Variants in MYO5A observed in about 807,000 individuals in gnomAD.
MYO5A encodes the protein unconventional myosin-Va.
MYO5A carries 98 observed loss-of-function variants against 249.7 expected under a neutral mutation model. The observed-to-expected ratio is 0.39, with a 90% CI of 0.33 to 0.46. MYO5A has a LOEUF of 0.46. Ranked by LOEUF, MYO5A falls within the 20% of genes least tolerant of loss-of-function variation. The probability of loss-of-function intolerance (pLI) is 0.98; values close to 1 mark genes in which losing one functional copy is unlikely to be tolerated. For missense variants in MYO5A, 1,696 were observed against 2,308.8 expected, an observed-to-expected ratio of 0.73 and a Z score of 5.44; for synonymous variants, 778 against 810.6, an observed-to-expected ratio of 0.96 and a Z score of 0.68.
intron 1 of MYO5A, among the ~76,000 whole-genome samples, chr15:52,507,322 A>G (rs1384761301): frequency 6.6e-6 from 1 of 152,236 alleles, no homozygotes; most frequent in Non-Finnish European, 1.5e-5. Flanking sequence ...TTTCCAGCAG[A>G]AAACTGGTTA....
intron 24 of MYO5A, among the ~76,000 whole-genome samples, chr15:52,363,539 ATTTTGAC>A (rs562782618): frequency 6.4e-4 from 97 of 152,272 alleles, no homozygotes; most frequent in African/African-American, 2.3e-3. Flanking sequence ...AATCTCTTTT[ATTTTGAC>A]TTTTAAGTGT....
chr15:52,327,725 G>T, intron 36 of MYO5A, 127 bp downstream of exon 36: 1 of 1,005,890 alleles, frequency 9.9e-7, no homozygotes, highest in East Asian at 2.4e-5. Context: ...AGATAGGTAA[G>T]TAAATAAAAA....
At chr15:52,322,312 C>G (rs906213422) in intron 37 of MYO5A, among the ~76,000 whole-genome samples, 1 of 152,218 alleles carries the variant, frequency 6.6e-6, no homozygotes, top group Non-Finnish European at 1.5e-5. Context: ...TTGCTCATCT[C>G]TGTGTTTCCC....
intron 1 of MYO5A, among the ~76,000 whole-genome samples, chr15:52,523,905 T>A (rs868106457): frequency 2.8e-5 from 4 of 145,280 alleles, no homozygotes; most frequent in Middle Eastern, 7.0e-3. Context: ...TTGGAAGCAG[T>A]CTGAGAAATA....
Position 52,309,551 on chromosome 15 carries a change from C to A in MYO5A, c.*4145G>T, listed in dbSNP as rs888863152. 11 of 152,168 alleles carry A rather than the reference C, an allele frequency of 7.2e-5. No homozygotes were observed. Among genetic ancestry groups the A allele is most frequent in the African/African-American group, 2.7e-4 (11 of 41,420 alleles). The allele number at this position is 152,168 out of a possible 1,614,324, so 9.4% of individuals were successfully genotyped here. A position where few individuals can be genotyped will look rare whatever the true frequency, so the allele number is the denominator to read the frequency against. ...TGCTCCATATGGGAAAGCAGGACAG[C>A]CAGAGGGCTGTGCGACATCAGGCAA... On this transcript the variant is annotated 3_prime_UTR_variant, in exon 42 of 42. Coordinates refer to ENST00000399233, the MANE Select transcript of MYO5A (RefSeq NM_001382347.1).
rs529848057 is a variant in MYO5A at position 52,312,142 on chromosome 15, G to A, written c.*1554C>T. 2.0e-5 allele frequency: 3 copies of A among 152,162 alleles called. No individual in the cohort carries two copies. The highest frequency in any genetic ancestry group is 3.4e-3 in the Middle Eastern group (1 of 294). 9.4% of individuals were successfully genotyped at this position (152,162 alleles called of 1,614,324 possible). ...TGGGTCTTAATGAACCAAATCCTCTGTAAAATTCAACAATCTTCTATTTCT... is the reference window on the plus strand; with the variant it reads ...TGGGTCTTAATGAACCAAATCCTCTATAAAATTCAACAATCTTCTATTTCT... On this transcript the variant is annotated 3_prime_UTR_variant, in exon 42 of 42. Transcript: ENST00000399233.
chr15:52,501,876 TACACACACACACAC>T (rs10552352), intron 1 of MYO5A, among the ~76,000 whole-genome samples: 62 of 140,530 alleles, frequency 4.4e-4, no homozygotes, highest in Admixed American at 1.2e-3. Context: ...ATACATATAC[TACACACACACACAC>T]ACACACACAC....
intron 1 of MYO5A, among the ~76,000 whole-genome samples, chr15:52,490,352 T>C (rs569569943): frequency 6.6e-6 from 1 of 152,256 alleles, no homozygotes; most frequent in African/African-American, 2.4e-5. Flanking sequence ...CATCAATGGA[T>C]GAATAGATTA....
intron 10 of MYO5A, 99 bp downstream of exon 10, chr15:52,397,102 T>C (rs1467971758): frequency 7.0e-7 from 1 of 1,431,666 alleles, no homozygotes; most frequent in Admixed American, 1.7e-5. Flanking sequence ...TTCCCTTCTC[T>C]TTACCAGTAG....
chr15:52,382,325 C>A (rs1228496336), intron 16 of MYO5A, among the ~76,000 whole-genome samples: 3 of 152,166 alleles, frequency 2.0e-5, no homozygotes, highest in Non-Finnish European at 4.4e-5. Context: ...CGCCTGTAAT[C>A]CCACTGGGAG....
chr15:52,322,346 G>C (rs541877181), intron 37 of MYO5A, among the ~76,000 whole-genome samples: 51 of 152,354 alleles, frequency 3.3e-4, no homozygotes, highest in African/African-American at 1.2e-3. Context: ...CAGTGCTCAG[G>C]AAGTGCCGCT....
chr15:52,467,226 A>G (rs1313212854), intron 1 of MYO5A, among the ~76,000 whole-genome samples: 1 of 152,242 alleles, frequency 6.6e-6, no homozygotes, highest in African/African-American at 2.4e-5. Context: ...CAAAGTATTG[A>G]TTTTAAAGAA....
intron 6 of MYO5A, among the ~76,000 whole-genome samples, chr15:52,409,567 G>C (rs142700437): frequency 6.6e-6 from 1 of 152,120 alleles, no homozygotes; most frequent in African/African-American, 2.4e-5. Flanking sequence ...ACAGACCTGG[G>C]CTATGGAAAT....
intron 1 of MYO5A, among the ~76,000 whole-genome samples, chr15:52,491,682 C>T (rs1243171761): frequency 1.3e-5 from 2 of 152,174 alleles, no homozygotes; most frequent in African/African-American, 2.4e-5. Context: ...TATCCAAGTA[C>T]ATCAATGTTC....
chr15:52,409,743 T>C (rs1056336632), intron 6 of MYO5A, among the ~76,000 whole-genome samples: 6 of 152,220 alleles, frequency 3.9e-5, no homozygotes, highest in Non-Finnish European at 8.8e-5. Context: ...AATGTATGCC[T>C]GCTAGTGATG....
intron 1 of MYO5A, among the ~76,000 whole-genome samples, chr15:52,464,680 G>C (rs1475989750): frequency 1.3e-5 from 2 of 152,192 alleles, no homozygotes; most frequent in Admixed American, 1.3e-4. Context: ...AATAGGTTAG[G>C]AGCAGGATGT....
intron 1 of MYO5A, among the ~76,000 whole-genome samples, chr15:52,523,375 C>T (rs551341663): frequency 1.8e-3 from 267 of 152,292 alleles, no homozygotes; most frequent in Non-Finnish European, 2.9e-3. Flanking sequence ...CTGCTTCGTC[C>T]CTACAAGTGG....
chr15:52,382,783 G>C (rs1232965104), intron 16 of MYO5A, among the ~76,000 whole-genome samples: 2 of 152,126 alleles, frequency 1.3e-5, no homozygotes, highest in Admixed American at 1.3e-4. Context: ...TCCACCTAAT[G>C]CCCAAATGAA....
intron 1 of MYO5A, among the ~76,000 whole-genome samples, chr15:52,445,978 T>C (rs922427880): frequency 6.6e-6 from 1 of 152,222 alleles, no homozygotes; most frequent in African/African-American, 2.4e-5. Flanking sequence ...TTTGGAAAAT[T>C]TGCAGGCTGG....
Sources: allele counts gnomAD v4.1 joint callset (sites outside exome capture counted in the v4.1 genomes callset), GRCh38; gene constraint gnomAD v4.1.1; transcripts MANE v1.5; gene names NCBI Gene and HGNC (gene_info 2026-07-23, HGNC 2026-07-21).